The following RIN2 variants were observed in gnomAD, a reference collection of about 807,000 sequenced individuals.
The protein encoded by RIN2 is Ras and Rab interactor 2.
Under a neutral mutation model 78.0 loss-of-function variants are expected in RIN2, and 36 were observed. The ratio of observed to expected loss-of-function variants is 0.46; its 90% CI spans 0.35 to 0.61. The LOEUF (loss-of-function observed/expected upper bound fraction) is 0.61. Among genes scored for constraint, RIN2 ranks in the 20% least tolerant of loss-of-function variants. RIN2 has a pLI of 0.00. For missense variants in RIN2, 1,087 were observed against 1,159.7 expected (o/e 0.94, Z 0.91); for synonymous variants, 466 against 466.8 (o/e 1.00, Z 0.02).
intron 2 of RIN2, among the ~76,000 whole-genome samples, chr20:19,831,346 A>C (rs1007397062): frequency 6.6e-5 from 10 of 152,238 alleles, no homozygotes; most frequent in African/African-American, 2.4e-4. Context: ...GGAAGTACAG[A>C]CATCCAAGTT....
rs1169638800 is a variant in RIN2, at chr20:19,801,564, G to A, written c.-37+1817G>A. On this transcript the variant is annotated intron_variant, in intron 2 of 12. Transcript: ENST00000255006. ...TCTCAATCTCCTGACCTCGTGATCC[G>A]CCCGCCTCGGCCTCCCAAAGTGCTG... is the stretch of plus-strand genomic sequence containing the variant. Among the ~76,000 whole-genome samples, 4 of 151,960 alleles carry A rather than the reference G, an allele frequency of 2.6e-5. No homozygotes were observed. In the East Asian group the frequency reaches 5.8e-4, roughly 22 times the overall value.
intron 9 of RIN2, among the ~76,000 whole-genome samples, chr20:19,980,056 A>C (rs996137509): frequency 1.3e-5 from 2 of 151,142 alleles, no homozygotes; most frequent in East Asian, 1.9e-4. Flanking sequence ...AAAAAAAAAA[A>C]AAAAAAAAAA....
At chr20:19,883,123 C>T (rs1318456442) in intron 2 of RIN2, among the ~76,000 whole-genome samples, 1 of 152,152 alleles carries the variant, frequency 6.6e-6, no homozygotes, top group Non-Finnish European at 1.5e-5. Context: ...CCCCTCTTTC[C>T]CTGCTCAATC....
At chr20:19,760,857 C>T (rs192308413) in intron 1 of RIN2, among the ~76,000 whole-genome samples, 3 of 152,248 alleles carry the variant, frequency 2.0e-5, no homozygotes, top group Non-Finnish European at 4.4e-5. Context: ...AGTAAGACAC[C>T]CCCTCACTGC....
chr20:19,814,838 A>G (rs2035715647), intron 2 of RIN2, among the ~76,000 whole-genome samples: 1 of 151,514 alleles, frequency 6.6e-6, no homozygotes, highest in Non-Finnish European at 1.5e-5. Context: ...TGATCCGCCC[A>G]CCTCAGCCTC....
At chr20:19,950,142 C>G (rs1372808058) in intron 4 of RIN2, among the ~76,000 whole-genome samples, 1 of 152,194 alleles carries the variant, frequency 6.6e-6, no homozygotes, top group Non-Finnish European at 1.5e-5. Flanking sequence ...CCATCTGCTT[C>G]AAAGCCATGA....
chr20:19,961,062 G>A (rs1312742244), intron 6 of RIN2, among the ~76,000 whole-genome samples: 1 of 152,174 alleles, frequency 6.6e-6, no homozygotes, highest in Non-Finnish European at 1.5e-5. Context: ...CATGGCATAT[G>A]GTAGGGAACT....
chr20:19,785,523 C>CAGT (rs2034648458), intron 1 of RIN2, among the ~76,000 whole-genome samples: 1 of 152,150 alleles, frequency 6.6e-6, no homozygotes, highest in African/African-American at 2.4e-5. Context: ...TTTCAGTGGA[C>CAGT]AGTAGATGGA....
At position 19,762,028 on chromosome 20, in the gene RIN2, T is replaced by C. The variant is rs112985989; in HGVS notation, c.-163+3701T>C. 5.4e-3 allele frequency among the ~76,000 whole-genome samples: 818 copies of C among 152,320 alleles called. 14 individuals are homozygous for C. The highest frequency in any genetic ancestry group is 0.019 in the African/African-American group (776 of 41,576). On this transcript the variant is annotated intron_variant, in intron 1 of 12. Transcript: ENST00000255006. Reference sequence around the variant, plus strand: ...AGTGAATTTTCTGTTCTCTCATTCCTCTCTCCTTGGGTGCTGGCCAAGTGA... The same window carrying C: ...AGTGAATTTTCTGTTCTCTCATTCCCCTCTCCTTGGGTGCTGGCCAAGTGA...
intron 3 of RIN2, among the ~76,000 whole-genome samples, chr20:19,902,828 T>C (rs757609671): frequency 6.6e-6 from 1 of 152,226 alleles, no homozygotes; most frequent in Non-Finnish European, 1.5e-5. Flanking sequence ...GCACGGTGGC[T>C]CACGCCTGTA....
intron 3 of RIN2, among the ~76,000 whole-genome samples, chr20:19,903,473 A>G (rs1037089131): frequency 6.6e-6 from 1 of 152,036 alleles, no homozygotes; most frequent in African/African-American, 2.4e-5. Flanking sequence ...TTCTCATTCT[A>G]CTTCCAGATT....
intron 8 of RIN2, among the ~76,000 whole-genome samples, chr20:19,971,190 T>G (rs913275936): frequency 3.3e-5 from 5 of 151,834 alleles, no homozygotes; most frequent in Non-Finnish European, 1.5e-5. Context: ...GCATGATTTT[T>G]TTTTTTTGAG....
chr20:19,895,190 G>T (rs961623128), intron 3 of RIN2, among the ~76,000 whole-genome samples: 1 of 152,150 alleles, frequency 6.6e-6, no homozygotes, highest in Admixed American at 6.6e-5. Flanking sequence ...TGGGAGAAAT[G>T]TTATGTATGA....
At chr20:19,978,657 G>A (rs887179910) in intron 9 of RIN2, among the ~76,000 whole-genome samples, 6 of 152,166 alleles carry the variant, frequency 3.9e-5, no homozygotes, top group Non-Finnish European at 7.3e-5. Context: ...GCCCTGCTAT[G>A]CAGAGGTTCC....
intron 10 of RIN2, among the ~76,000 whole-genome samples, chr20:19,991,430 ATTC>A (rs1316182526): frequency 6.6e-6 from 1 of 152,210 alleles, no homozygotes; most frequent in Admixed American, 6.5e-5. Context: ...AGACAGGATA[ATTC>A]TTCTTTTGGG....
chr20:19,868,551 T>A (rs1005538041), intron 2 of RIN2, among the ~76,000 whole-genome samples: 3 of 151,902 alleles, frequency 2.0e-5, no homozygotes, highest in Non-Finnish European at 4.4e-5. Flanking sequence ...GGTCTTAGGG[T>A]TTCATCCGGG....
upstream of RIN2, chr20:19,757,633 A>G (rs954632200): frequency 6.6e-6 from 1 of 152,458 alleles, no homozygotes; most frequent in African/African-American, 2.4e-5. Context: ...CTGCCCCGGA[A>G]CCAAGAGCCG....
chr20:19,923,261 C>T lies in RIN2; in HGVS notation c.58-11838C>T, dbSNP rs562536357. On this transcript the variant is annotated intron_variant, in intron 3 of 12. Transcript: ENST00000255006. ...TGAAACCCCATCTCTACTAAAAATA[C>T]AAAAATTAGCCAGGTGTGGTGGCGG... Among the ~76,000 whole-genome samples the T allele has an allele frequency of 7.3e-5, 11 of 151,536 alleles. No individual in the cohort carries two copies. In the East Asian group the frequency reaches 1.9e-3, roughly 27 times the overall value.
intron 1 of RIN2, among the ~76,000 whole-genome samples, chr20:19,791,354 C>G (rs1158010033): frequency 6.6e-6 from 1 of 152,154 alleles, no homozygotes; most frequent in African/African-American, 2.4e-5. Flanking sequence ...TTAATTTCCT[C>G]TTACATATTT....
Sources: gnomAD v4.1 joint callset for allele counts (sites outside exome capture counted in the v4.1 genomes callset) on GRCh38, gnomAD v4.1.1 for gene constraint, MANE v1.5 for transcripts, NCBI Gene and HGNC (gene_info 2026-07-23, HGNC 2026-07-21) for gene names.